Variants in UPP2 observed in about 807,000 individuals in gnomAD.
The protein encoded by UPP2 is uridine phosphorylase 2, also known as UPase 2.
UPP2 carries 23 observed loss-of-function variants against 26.7 expected under a neutral mutation model. That is an observed-to-expected ratio of 0.86 (90% CI 0.62 to 1.22). UPP2 has a LOEUF of 1.22. Ranked by LOEUF, UPP2 falls within the 50% of genes most tolerant of loss-of-function variation. UPP2 has a pLI of 0.00. For synonymous variants in UPP2, 127 were observed against 141.3 expected (o/e 0.90, Z 0.72); for missense variants, 387 against 396.7 (o/e 0.98, Z 0.21).
chr2:158,127,645 T>C (rs564834133), intron 6 of UPP2, among the ~76,000 whole-genome samples: 2 of 152,310 alleles, frequency 1.3e-5, no homozygotes, highest in East Asian at 3.9e-4. Flanking sequence ...CTAAGGTCTA[T>C]ACAAATATTT....
intron 3 of UPP2, among the ~76,000 whole-genome samples, chr2:158,083,362 A>C (rs919692955): frequency 6.6e-6 from 1 of 152,108 alleles, no homozygotes; most frequent in Non-Finnish European, 1.5e-5. Context: ...ACACCATGGA[A>C]CACTATGCAG....
chr2:158,101,373 A>T (rs568372797), upstream of UPP2, among the ~76,000 whole-genome samples: 7 of 152,218 alleles, frequency 4.6e-5, no homozygotes, highest in Non-Finnish European at 1.0e-4. Flanking sequence ...CTACAGTTTA[A>T]CTAAAGAAAG....
At chr2:158,031,608 CAGCCAGTGTCGG>C (rs1683922349) in intron 3 of UPP2, among the ~76,000 whole-genome samples, 2 of 152,190 alleles carry the variant, frequency 1.3e-5, no homozygotes, top group South Asian at 4.1e-4. Context: ...TCTGCAGAGG[CAGCCAGTGTCGG>C]TTTGGAAGGC....
At chr2:158,068,113 C>G (rs970947412) in intron 3 of UPP2, among the ~76,000 whole-genome samples, 2 of 152,132 alleles carry the variant, frequency 1.3e-5, no homozygotes, top group African/African-American at 4.8e-5. Flanking sequence ...CATTTAGTTA[C>G]TTAATGAAAA....
chr2:158,109,582 G>T (rs552933875), intron 2 of UPP2, among the ~76,000 whole-genome samples: 127 of 152,284 alleles, frequency 8.3e-4, no homozygotes, highest in Middle Eastern at 3.4e-3. Flanking sequence ...CTCCTTGTAG[G>T]ATGGGAGATT....
At chr2:157,996,278 G>A (rs1045920940) in intron 2 of UPP2, among the ~76,000 whole-genome samples, 2 of 152,124 alleles carry the variant, frequency 1.3e-5, no homozygotes, top group Admixed American at 6.6e-5. Flanking sequence ...TTAGTGAGGA[G>A]ATACAACTAT....
intron 3 of UPP2, among the ~76,000 whole-genome samples, chr2:158,016,263 C>A (rs2105144835): frequency 1.3e-5 from 2 of 151,796 alleles, no homozygotes; most frequent in South Asian, 4.2e-4. Context: ...TTATAGGGAT[C>A]AAGTTGTCTC....
chr2:158,133,456 A>G (rs560864459), intron 6 of UPP2, among the ~76,000 whole-genome samples: 1 of 152,324 alleles, frequency 6.6e-6, no homozygotes, highest in Admixed American at 6.5e-5. Flanking sequence ...ATTGCATAGC[A>G]TAGTGATGAG....
In UPP2 at chr2:158,115,772, G is replaced by A. The variant is rs1379795355; in HGVS notation, c.339+513G>A. The stretch of plus-strand genomic sequence containing the variant: ...ACAGTGCCCTAAGACAAAATGAAAG[G>A]GGAATGATTTGCAGTTTTAGGGAAG... On this transcript the variant is annotated intron_variant, in intron 3 of 6. Coordinates refer to ENST00000005756, the MANE Select transcript of UPP2 (RefSeq NM_173355.4). Among the ~76,000 whole-genome samples the A allele has an allele frequency of 2.0e-5, 3 of 152,184 alleles. No individual in the cohort carries two copies. In the East Asian group the frequency reaches 5.8e-4, roughly 29 times the overall value.
chr2:158,054,519 T>C lies in UPP2; in HGVS notation c.147+38633T>C, dbSNP rs1682217260. On this transcript the variant is annotated intron_variant, in intron 3 of 9. Transcript: ENST00000605860. ...TGAAAGTCATTTTCCTCTGATAATATGAGATTGTGCTGAAATTTCTGTAGT... is the reference window on the plus strand; with the variant it reads ...TGAAAGTCATTTTCCTCTGATAATACGAGATTGTGCTGAAATTTCTGTAGT... Among the ~76,000 whole-genome samples, 5 of 151,998 alleles carry C rather than the reference T, an allele frequency of 3.3e-5. No homozygotes were observed. In the South Asian group the frequency reaches 1.0e-3, roughly 32 times the overall value.
chr2:158,079,884 G>T (rs1682693664), intron 3 of UPP2, among the ~76,000 whole-genome samples: 1 of 151,982 alleles, frequency 6.6e-6, no homozygotes, highest in Admixed American at 6.6e-5. Flanking sequence ...GTGTATCATG[G>T]GAGTCAGTTT....
chr2:158,017,197 GC>G (rs1683673050), intron 3 of UPP2, among the ~76,000 whole-genome samples: 1 of 152,116 alleles, frequency 6.6e-6, no homozygotes, highest in Admixed American at 6.5e-5. Flanking sequence ...AATAACCAGA[GC>G]TTAAATCTTC....
intron 6 of UPP2, 87 bp downstream of exon 6, chr2:158,123,982 T>TATA: frequency 6.2e-6 from 9 of 1,460,008 alleles, no homozygotes; most frequent in Non-Finnish European, 6.5e-6. Context: ...GAGGTCCAGC[T>TATA]ATATATTACC....
rs568741418 is a variant in UPP2 at position 158,117,977 on chromosome 2, C to T, written c.454+39C>T. 2.6e-6 allele frequency: 4 copies of T among 1,525,936 alleles called. No homozygotes were observed. In the South Asian group the frequency reaches 4.5e-5, roughly 17 times the overall value. 94.5% of individuals were successfully genotyped at this position (1,525,936 alleles called of 1,614,324 possible). On this transcript the variant is annotated intron_variant, in intron 4 of 6. Transcript: ENST00000005756. ...ATGTCTACTATTAGAACTGAGTGAT[C>T]CTTACATACATGGTAGCTGCCAAAA...
At chr2:158,091,703 T>A (rs1483276782) in intron 3 of UPP2, among the ~76,000 whole-genome samples, 1 of 152,152 alleles carries the variant, frequency 6.6e-6, no homozygotes, top group Non-Finnish European at 1.5e-5. Context: ...TGTTGGATGA[T>A]CTAGGCTGGC....
At chr2:158,025,810 C>T (rs1283811266) in intron 3 of UPP2, among the ~76,000 whole-genome samples, 2 of 152,176 alleles carry the variant, frequency 1.3e-5, no homozygotes, top group Admixed American at 6.5e-5. Context: ...CATCCTCTGA[C>T]GCATCTGAAT....
chr2:158,074,773 A>G (rs1302749791), intron 3 of UPP2, among the ~76,000 whole-genome samples: 1 of 150,896 alleles, frequency 6.6e-6, no homozygotes, highest in African/African-American at 2.4e-5. Context: ...TATCAATAAT[A>G]GCATTGATTG....
intron 3 of UPP2, among the ~76,000 whole-genome samples, chr2:158,049,463 T>C (rs573061633): frequency 6.6e-6 from 1 of 152,226 alleles, no homozygotes; most frequent in African/African-American, 2.4e-5. Flanking sequence ...TAAATGTTCT[T>C]TCCCTGTTTT....
chr2:158,014,223 T>C (rs1171905494), intron 2 of UPP2, among the ~76,000 whole-genome samples: 3 of 151,878 alleles, frequency 2.0e-5, no homozygotes, highest in South Asian at 2.1e-4. Flanking sequence ...CAGGCCAGAG[T>C]TGGGATGGGG....
Sources: gnomAD v4.1 joint callset for allele counts (sites outside exome capture counted in the v4.1 genomes callset) on GRCh38, gnomAD v4.1.1 for gene constraint, MANE v1.5 for transcripts, NCBI Gene and HGNC (gene_info 2026-07-23, HGNC 2026-07-21) for gene names.